Variants in DCDC2C observed in about 807,000 individuals in gnomAD.
The protein encoded by DCDC2C is doublecortin domain-containing protein 2C.
DCDC2C carries 44 observed loss-of-function variants against 45.0 expected under a neutral mutation model. The observed-to-expected ratio is 0.98, with a 90% CI of 0.77 to 1.26. The LOEUF (loss-of-function observed/expected upper bound fraction) is 1.26, where lower values mean the gene tolerates loss of function less well. DCDC2C is among the 50% of genes most tolerant of loss of function. The probability of loss-of-function intolerance (pLI) is 0.00; values close to 1 mark genes in which losing one functional copy is unlikely to be tolerated. For synonymous variants in DCDC2C, 187 were observed against 178.8 expected, an observed-to-expected ratio of 1.05 and a Z score of -0.37; for missense variants, 447 against 468.9, an observed-to-expected ratio of 0.95 and a Z score of 0.43.
At chr2:3,824,515 C>T (rs1174167153) in intron 10 of DCDC2C, among the ~76,000 whole-genome samples, 1 of 152,226 alleles carries the variant, frequency 6.6e-6, no homozygotes, top group Non-Finnish European at 1.5e-5. Context: ...ACCTCCTTTT[C>T]TGCTAGGCCT....
At chr2:3,739,721 T>A in intron 3 of DCDC2C, among the ~76,000 whole-genome samples, 1 of 152,234 alleles carries the variant, frequency 6.6e-6, no homozygotes. Flanking sequence ...CCACATGTGA[T>A]CCAGTTGTTC....
intron 10 of DCDC2C, among the ~76,000 whole-genome samples, chr2:3,841,151 T>C (rs888689276): frequency 6.6e-6 from 1 of 152,174 alleles, no homozygotes; most frequent in Non-Finnish European, 1.5e-5. Flanking sequence ...CTCGTGAAAC[T>C]TGTGATAAGA....
intron 2 of DCDC2C, among the ~76,000 whole-genome samples, chr2:3,724,738 C>T (rs1668590720): frequency 6.6e-6 from 1 of 152,128 alleles, no homozygotes. Context: ...CCTGCTGGGC[C>T]AGGCATGAAG....
Position 3,720,606 on chromosome 2 carries a change from A to G in DCDC2C, c.340-6397A>G, listed in dbSNP as rs10175421. ...GGAGAAACTCTCAATGGGATGTAGG[A>G]TTAGGATTTAAATTGGACTGGGCAG... On this transcript the variant is annotated intron_variant, in intron 2 of 10. Transcript: ENST00000399143. 3.3e-3 allele frequency among the ~76,000 whole-genome samples: 498 copies of G among 152,336 alleles called. 3 individuals are homozygous for G. Among genetic ancestry groups the G allele is most frequent in the African/African-American group, 0.012 (479 of 41,570 alleles).
intron 10 of DCDC2C, chr2:3,844,460 G>C (rs944803142): frequency 5.9e-5 from 9 of 152,350 alleles, no homozygotes; most frequent in Non-Finnish European, 1.0e-4. Context: ...TGAGACGCCA[G>C]AGTTGCCCAT....
intron 2 of DCDC2C, among the ~76,000 whole-genome samples, chr2:3,714,576 G>C (rs1371333107): frequency 2.0e-5 from 3 of 152,154 alleles, no homozygotes; most frequent in Non-Finnish European, 1.5e-5. Flanking sequence ...CATTCATTTA[G>C]ACCACATTTT....
chr2:3,840,016 T>C (rs1672172538), intron 10 of DCDC2C, among the ~76,000 whole-genome samples: 1 of 152,106 alleles, frequency 6.6e-6, no homozygotes, highest in African/African-American at 2.4e-5. Context: ...AAGGCAGAAT[T>C]GTCGGAGAAG....
intron 2 of DCDC2C, among the ~76,000 whole-genome samples, chr2:3,723,374 C>T (rs1048667870): frequency 5.3e-5 from 8 of 152,270 alleles, no homozygotes; most frequent in African/African-American, 1.9e-4. Flanking sequence ...GAGGAGCTGA[C>T]GTCGAAGTGA....
At chr2:3,718,771 T>C (rs1481897501) in intron 2 of DCDC2C, among the ~76,000 whole-genome samples, 1 of 152,198 alleles carries the variant, frequency 6.6e-6, no homozygotes, top group Non-Finnish European at 1.5e-5. Flanking sequence ...GTCGTCTCGC[T>C]GACTTCAAAA....
intron 3 of DCDC2C, among the ~76,000 whole-genome samples, chr2:3,728,708 G>A (rs1188975042): frequency 1.3e-5 from 2 of 152,148 alleles, no homozygotes; most frequent in Non-Finnish European, 1.5e-5. Flanking sequence ...AGTCCTTGTC[G>A]CTATAAAAAC....
chr2:3,827,825 C>T (rs1306909041), intron 10 of DCDC2C, among the ~76,000 whole-genome samples: 1 of 152,108 alleles, frequency 6.6e-6, no homozygotes, highest in Non-Finnish European at 1.5e-5. Flanking sequence ...CCCCAGATCG[C>T]CACCTAGTGA....
At chr2:3,754,569 G>A (rs1455703705) in intron 5 of DCDC2C, 23 bp from the exon 6 acceptor site, 3 of 1,548,320 alleles carry the variant, frequency 1.9e-6, no homozygotes, top group African/African-American at 2.7e-5. Context: ...TACATTTCAA[G>A]TTGAACATCT....
intron 6 of DCDC2C, among the ~76,000 whole-genome samples, chr2:3,766,335 G>T (rs1670013166): frequency 6.7e-6 from 1 of 149,332 alleles, no homozygotes; most frequent in Non-Finnish European, 1.5e-5. Context: ...CACACACACG[G>T]TGTCTTTATC....
chr2:3,770,815 G>T (rs967975944), intron 8 of DCDC2C, among the ~76,000 whole-genome samples: 6 of 152,194 alleles, frequency 3.9e-5, no homozygotes, highest in Non-Finnish European at 8.8e-5. Flanking sequence ...TTGGTTGCCG[G>T]TGATTCTGAT....
At chr2:3,801,148 A>G (rs959471136) in intron 10 of DCDC2C, among the ~76,000 whole-genome samples, 6 of 152,224 alleles carry the variant, frequency 3.9e-5, no homozygotes, top group African/African-American at 1.4e-4. Flanking sequence ...GAAAACAGTC[A>G]CTTTCAACAA....
chr2:3,716,173 C>T (rs1040935324), intron 2 of DCDC2C, among the ~76,000 whole-genome samples: 1 of 152,050 alleles, frequency 6.6e-6, no homozygotes, highest in Non-Finnish European at 1.5e-5. Context: ...ATTGTGGTGG[C>T]GTTGGTGATT....
chr2:3,752,266 C>A (rs357970), intron 4 of DCDC2C, among the ~76,000 whole-genome samples: 1 of 151,944 alleles, frequency 6.6e-6, no homozygotes, highest in African/African-American at 2.4e-5. Flanking sequence ...AGAGGCTCAG[C>A]ATTGAGTTAA....
At chr2:3,746,817 A>G (rs1286864811) in intron 4 of DCDC2C, among the ~76,000 whole-genome samples, 1 of 152,184 alleles carries the variant, frequency 6.6e-6, no homozygotes, top group Non-Finnish European at 1.5e-5. Flanking sequence ...GGGAGTTCTC[A>G]GAGCAGAAGG....
At position 3,704,179 on chromosome 2, in the gene DCDC2C, CGCA is replaced by C. The variant is rs201637251; in HGVS notation, c.287+144_287+146del. The C allele has an allele frequency of 5.1e-3, 4,244 of 826,358 alleles. 161 individuals are homozygous for C. In the African/African-American group the frequency reaches 0.07, roughly 14 times the overall value. The allele number at this position is 826,358 out of a possible 1,614,324, so 51.2% of individuals were successfully genotyped here. On this transcript the variant is annotated intron_variant, in intron 1 of 10. Transcript: ENST00000399143. ...CGCCCATCTTTCGGCGTGGATCCAG[CGCA>C]GCCGGCGTCGGGCCGCCCCAGGCCA... is the stretch of plus-strand genomic sequence containing the variant.
Sources: allele counts gnomAD v4.1 joint callset (sites outside exome capture counted in the v4.1 genomes callset), GRCh38; gene constraint gnomAD v4.1.1; transcripts MANE v1.5; gene names NCBI Gene and HGNC (gene_info 2026-07-23, HGNC 2026-07-21).